Variants in CUX1 observed in about 807,000 individuals in gnomAD.
CUX1 encodes cut like homeobox 1, also known as protein CASP.
In CUX1, 31 loss-of-function variants were observed where a neutral mutation model predicts 158.8. The observed-to-expected ratio is 0.20, with a 90% CI of 0.15 to 0.26. The LOEUF (loss-of-function observed/expected upper bound fraction) is 0.26. Ranked by LOEUF, CUX1 falls within the 10% of genes least tolerant of loss-of-function variation. The pLI is 1.00. For missense variants in CUX1, 1,589 were observed against 2,014.6 expected, an observed-to-expected ratio of 0.79 and a Z score of 4.04; for synonymous variants, 879 against 862.1, an observed-to-expected ratio of 1.02 and a Z score of -0.34.
chr7:101,997,632 C>T (rs1281091420), intron 2 of CUX1, among the ~76,000 whole-genome samples: 3 of 152,160 alleles, frequency 2.0e-5, no homozygotes, highest in African/African-American at 7.3e-5. Flanking sequence ...GCATGAGCCA[C>T]CAGGCCCAGC....
intron 8 of CUX1, among the ~76,000 whole-genome samples, chr7:102,152,805 G>A (rs115433559): frequency 2.6e-5 from 4 of 152,276 alleles, no homozygotes; most frequent in African/African-American, 4.8e-5. Context: ...CAGCCCCTCC[G>A]AGCCTGGCTG....
intron 20 of CUX1, among the ~76,000 whole-genome samples, chr7:102,219,119 G>A (rs1446598617): frequency 7.4e-6 from 1 of 135,860 alleles, no homozygotes; most frequent in Non-Finnish European, 1.6e-5. Context: ...TTGTCACACA[G>A]ACACACCCCA....
intron 1 of CUX1, among the ~76,000 whole-genome samples, chr7:101,910,423 G>C (rs1358067347): frequency 1.3e-5 from 2 of 152,062 alleles, no homozygotes; most frequent in Non-Finnish European, 2.9e-5. Flanking sequence ...TAGAATTACA[G>C]GCATCATCCA....
intron 2 of CUX1, among the ~76,000 whole-genome samples, chr7:102,007,226 C>T (rs969587813): frequency 2.6e-5 from 4 of 152,192 alleles, no homozygotes; most frequent in Non-Finnish European, 5.9e-5. Context: ...ACTGCAGCCT[C>T]GGCCTCCTGT....
chr7:102,155,242 T>C (rs1488943769), intron 8 of CUX1, among the ~76,000 whole-genome samples: 2 of 152,090 alleles, frequency 1.3e-5, no homozygotes, highest in Middle Eastern at 3.2e-3. Context: ...TACAAAATTG[T>C]GTTTAAAACT....
rs76189041 is a variant in CUX1 at position 101,844,999 on chromosome 7, C to A, written c.30+27330C>A. Among the ~76,000 whole-genome samples, 943 of 152,190 alleles carry A rather than the reference C, an allele frequency of 6.2e-3. 11 individuals carry two copies. Among genetic ancestry groups the A allele is most frequent in the African/African-American group, 0.022 (901 of 41,522 alleles). On this transcript the variant is annotated intron_variant, in intron 1 of 23. Transcript: ENST00000292535. The stretch of plus-strand genomic sequence containing the variant: ...TATCTTATTTGGCACTTTACTGACC[C>A]TTTGATTCTGATGTCTTATTTTTTT...
intron 23 of CUX1, among the ~76,000 whole-genome samples, chr7:102,247,449 G>A (rs1339921195): frequency 1.3e-5 from 2 of 152,226 alleles, no homozygotes; most frequent in Non-Finnish European, 2.9e-5. Context: ...CAAGGCCTGG[G>A]TGTACAAAGA....
At chr7:101,940,428 G>A (rs758259675) in intron 2 of CUX1, among the ~76,000 whole-genome samples, 3 of 151,804 alleles carry the variant, frequency 2.0e-5, no homozygotes, top group Non-Finnish European at 4.4e-5. Context: ...GCCTGCGGGC[G>A]CGCACAGGTG....
intron 8 of CUX1, among the ~76,000 whole-genome samples, chr7:102,138,787 A>G (rs572656784): frequency 1.6e-4 from 25 of 152,336 alleles, no homozygotes; most frequent in Admixed American, 1.2e-3. Flanking sequence ...ATTATCCATT[A>G]GTGGTAAGAA....
chr7:101,862,504 GCA>G (rs1797562014), intron 1 of CUX1, among the ~76,000 whole-genome samples: 1 of 152,144 alleles, frequency 6.6e-6, no homozygotes, highest in South Asian at 2.1e-4. Flanking sequence ...TAAGTCCCCA[GCA>G]CAGAGACTGG....
At chr7:102,095,002 AT>A (rs782627346) in intron 4 of CUX1, among the ~76,000 whole-genome samples, 5,407 of 144,166 alleles carry the variant, frequency 0.038, 117 homozygotes, top group Middle Eastern at 0.11. Context: ...CCAAGATAGC[AT>A]TTTTTTTTTT....
intron 1 of CUX1, among the ~76,000 whole-genome samples, chr7:101,860,732 CCTCCCTTCCTT>C (rs1797352397): frequency 7.0e-6 from 1 of 143,436 alleles, no homozygotes; most frequent in Non-Finnish European, 1.5e-5. Flanking sequence ...ATCTCCCCTT[CCTCCCTTCCTT>C]CCTTCCTTCC....
At chr7:102,150,806 A>C (rs1176987564) in intron 8 of CUX1, among the ~76,000 whole-genome samples, 1 of 152,228 alleles carries the variant, frequency 6.6e-6, no homozygotes, top group Non-Finnish European at 1.5e-5. Context: ...AACGAACTAC[A>C]TATTCTAGGC....
At chr7:101,871,498 C>G (rs1438007724) in intron 1 of CUX1, among the ~76,000 whole-genome samples, 1 of 152,002 alleles carries the variant, frequency 6.6e-6, no homozygotes, top group Non-Finnish European at 1.5e-5. Flanking sequence ...CAGCCTCCTT[C>G]CCAGATGAAG....
chr7:102,131,517 A>G (rs1314662169), intron 8 of CUX1, among the ~76,000 whole-genome samples: 4 of 151,780 alleles, frequency 2.6e-5, no homozygotes, highest in Non-Finnish European at 5.9e-5. Flanking sequence ...AAGTTTGAAC[A>G]TAAAAACTGC....
At chr7:101,926,890 GT>G (rs1352105411) in intron 2 of CUX1, among the ~76,000 whole-genome samples, 2 of 152,090 alleles carry the variant, frequency 1.3e-5, no homozygotes, top group African/African-American at 4.8e-5. Context: ...TCTTTTACAA[GT>G]AGTCCTGAGC....
At chr7:102,192,741 C>T (rs143054131) in intron 12 of CUX1, among the ~76,000 whole-genome samples, 58 of 152,282 alleles carry the variant, frequency 3.8e-4, no homozygotes, top group African/African-American at 1.2e-3. Context: ...TCTGCACCTG[C>T]GAGTCGTAAA....
Position 102,198,847 on chromosome 7 carries a change from A to C in CUX1, c.1940A>C (p.Lys647Thr), listed in dbSNP as rs2132002944. The C allele has an allele frequency of 6.2e-7, 1 of 1,614,192 alleles. No homozygotes were observed. Among genetic ancestry groups the C allele is most frequent in the South Asian group, 1.1e-5 (1 of 91,074 alleles). The change falls in exon 16 of 24, where the codon AAA becomes ACA. Residue 647 changes from lysine to threonine, a missense_variant. Coordinates refer to ENST00000292535, the MANE Select transcript of CUX1 (RefSeq NM_181552.4). The part of the protein sequence containing the change: ...SLNRLFQEVP[K>T]RRNGSEGNIT... ...AACAGACTATTTCAGGAAGTACCGA[A>C]ACGAAGAAATGGGTCTGAAGGTATG...
intron 20 of CUX1, among the ~76,000 whole-genome samples, chr7:102,214,632 AG>A (rs1796867630): frequency 6.6e-6 from 1 of 152,258 alleles, no homozygotes; most frequent in Admixed American, 6.5e-5. Context: ...GCTACAGGGC[AG>A]CCCTGCCTTT....
Sources: gnomAD v4.1 joint callset for allele counts (sites outside exome capture counted in the v4.1 genomes callset) on GRCh38, gnomAD v4.1.1 for gene constraint, MANE v1.5 for transcripts, NCBI Gene and HGNC (gene_info 2026-07-23, HGNC 2026-07-21) for gene names.